RPA3: variants seen among roughly 807,000 people sequenced by gnomAD.
RPA3 encodes the protein replication protein A 14 kDa subunit.
In RPA3, 24 loss-of-function variants were observed where a neutral mutation model predicts 13.7. That is an observed-to-expected ratio of 1.75 (90% CI 1.27 to 2.46). RPA3 has a LOEUF of 2.46. Among genes scored for constraint, RPA3 ranks in the 30% most tolerant of loss-of-function variants. The pLI is 0.00. For synonymous variants in RPA3, 59 were observed against 51.2 expected, an observed-to-expected ratio of 1.15 and a Z score of -0.65; for missense variants, 183 against 151.0, an observed-to-expected ratio of 1.21 and a Z score of -1.11.
intron 4 of RPA3, among the ~76,000 whole-genome samples, chr7:7,677,614 TCCATTG>T (rs927834219): frequency 6.6e-6 from 1 of 152,052 alleles, no homozygotes; most frequent in Admixed American, 6.6e-5. Context: ...TAAATAGTAT[TCCATTG>T]TGTATATGTA....
At chr7:7,676,673 C>A (rs528068520) in intron 4 of RPA3, among the ~76,000 whole-genome samples, 5 of 152,072 alleles carry the variant, frequency 3.3e-5, no homozygotes, top group Non-Finnish European at 7.4e-5. Flanking sequence ...CTAACCCAAA[C>A]TTTTTACTAT....
chr7:7,676,217 C>T (rs79773281), intron 4 of RPA3: 11 of 398,634 alleles, frequency 2.8e-5, no homozygotes, highest in African/African-American at 2.1e-4. Flanking sequence ...AGGTTAGTTA[C>T]CCTTCCCAGT....
At chr7:7,676,000 C>G (rs147126730) in intron 4 of RPA3, 22 of 395,666 alleles carry the variant, frequency 5.6e-5, no homozygotes, top group Non-Finnish European at 9.3e-5. Context: ...TACCATTACT[C>G]TCCTGAAGTT....
intron 2 of RPA3, among the ~76,000 whole-genome samples, chr7:7,708,656 C>T (rs1411638026): frequency 6.6e-6 from 1 of 152,144 alleles, no homozygotes; most frequent in Non-Finnish European, 1.5e-5. Context: ...TAGTAATATA[C>T]TTTTCCTACT....
rs1169074588 is a variant in RPA3 at position 7,641,097 on chromosome 7, T to C, written c.-679A>G. ...GTCATCAGTGATCTTGATCACTTTCTTCAGGCTTTTGCCACTTGTTGGCTG... is the reference window on the plus strand; with the variant it reads ...GTCATCAGTGATCTTGATCACTTTCCTCAGGCTTTTGCCACTTGTTGGCTG... On this transcript the variant is annotated 5_prime_UTR_variant, in exon 5 of 8. Transcript: ENST00000223129. 1 of 152,532 alleles carries C rather than the reference T, an allele frequency of 6.6e-6. No individual in the cohort carries two copies. The allele number at this position is 152,532 out of a possible 1,614,324, so 9.4% of individuals were successfully genotyped here.
At chr7:7,642,613 G>A (rs574212065) in intron 4 of RPA3, among the ~76,000 whole-genome samples, 8 of 152,104 alleles carry the variant, frequency 5.3e-5, no homozygotes, top group Middle Eastern at 6.8e-3. Context: ...CAGCTTTTTC[G>A]TGTATTTTTG....
At chr7:7,686,888 C>G (rs1257184884) in intron 3 of RPA3, among the ~76,000 whole-genome samples, 1 of 152,224 alleles carries the variant, frequency 6.6e-6, no homozygotes, top group Admixed American at 6.5e-5. Flanking sequence ...CCTTACTCCT[C>G]TCCCCTGCCC....
At chr7:7,649,694 G>GC (rs1357526405) in intron 4 of RPA3, among the ~76,000 whole-genome samples, 14 of 151,158 alleles carry the variant, frequency 9.3e-5, no homozygotes, top group South Asian at 2.1e-4. Flanking sequence ...TGGTGGGGGG[G>GC]CCCACCCTAC....
chr7:7,715,949 T>A (rs1780891313), intron 1 of RPA3, among the ~76,000 whole-genome samples: 1 of 152,244 alleles, frequency 6.6e-6, no homozygotes, highest in Non-Finnish European at 1.5e-5. Flanking sequence ...TACAAGGAGA[T>A]AGTATAAAAC....
intron 4 of RPA3, among the ~76,000 whole-genome samples, chr7:7,672,526 AAT>A (rs533763929): frequency 9.2e-5 from 14 of 152,298 alleles, no homozygotes; most frequent in African/African-American, 2.9e-4. Flanking sequence ...GAATTGTATT[AAT>A]GCCCATGTGT....
At chr7:7,644,046 G>A (rs1785039045) in intron 4 of RPA3, among the ~76,000 whole-genome samples, 2 of 152,256 alleles carry the variant, frequency 1.3e-5, no homozygotes, top group Admixed American at 6.5e-5. Context: ...GGTGGTACCA[G>A]TTTACTCTCT....
chr7:7,640,838 G>A lies in RPA3; in HGVS notation c.-420C>T, dbSNP rs1265763773. On this transcript the variant is annotated 5_prime_UTR_variant, in exon 5 of 8. Coordinates refer to ENST00000223129, the MANE Select transcript of RPA3 (RefSeq NM_002947.5). The stretch of plus-strand genomic sequence containing the variant: ...CAGCCTCAGGTACCTCGTCTCGCGG[G>A]AGGCGCCGCAACCTTACTGTTTCCC... 5.0e-6 allele frequency: 1 copy of A among 198,798 alleles called. No individual in the cohort carries two copies. Among genetic ancestry groups the A allele is most frequent in the South Asian group, 6.7e-5 (1 of 14,986 alleles). 12.3% of individuals were successfully genotyped at this position (198,798 alleles called of 1,614,324 possible). A position where few individuals can be genotyped will look rare whatever the true frequency, so the allele number is the denominator to read the frequency against.
At chr7:7,642,350 C>T (rs556946095) in intron 4 of RPA3, among the ~76,000 whole-genome samples, 2 of 151,764 alleles carry the variant, frequency 1.3e-5, no homozygotes, top group Non-Finnish European at 1.5e-5. Context: ...GATGGGGCCT[C>T]GCCATGTTGA....
intron 6 of RPA3, 154 bp from the exon 7 acceptor site, chr7:7,638,126 C>T (rs6463709): frequency 0.3 from 155,053 of 513,336 alleles, 29,247 homozygotes; most frequent in East Asian, 0.74. Flanking sequence ...AACTTGTTAA[C>T]AAATGTTTGA....
rs1784873689 is a variant in RPA3, at chr7:7,636,757, G to C, written c.*243C>G. The C allele has an allele frequency of 7.5e-6, 3 of 399,488 alleles. No homozygotes were observed. Among genetic ancestry groups the C allele is most frequent in the Non-Finnish European group, 4.4e-6 (1 of 225,964 alleles). 24.7% of individuals were successfully genotyped at this position (399,488 alleles called of 1,614,324 possible). ...TTTTTATTAATAAAATAGAAACTTA[G>C]ACTCGGACAACTGCTTTATTCTTGC... is the stretch of plus-strand genomic sequence containing the variant. On this transcript the variant is annotated 3_prime_UTR_variant, in exon 8 of 8. Coordinates refer to ENST00000223129, the MANE Select transcript of RPA3 (RefSeq NM_002947.5).
chr7:7,640,349 G>A lies in RPA3; in HGVS notation c.70C>T (p.Pro24Ser). 1 of 1,614,080 alleles carries A rather than the reference G, an allele frequency of 6.2e-7. No individual in the cohort carries two copies. Among genetic ancestry groups the A allele is most frequent in the Non-Finnish European group, 8.5e-7 (1 of 1,180,024 alleles). The change falls in exon 5 of 8, where the codon CCT (proline) becomes TCT (serine). Residue 24 changes from proline to serine, a missense_variant. Physicochemically the swap from Pro to Ser is moderately conservative, Grantham distance 74. Transcript: ENST00000223129. ...AGMLAQFIDK[P>S]VCFVGRLEKI... ...TCCAGCCTCCCTACGAAGCAGACAG[G>A]CTTGTCGATGAATTGAGCTAGCATG...
intron 4 of RPA3, among the ~76,000 whole-genome samples, chr7:7,658,564 A>G (rs185184204): frequency 1.3e-5 from 2 of 152,294 alleles, no homozygotes; most frequent in Admixed American, 1.3e-4. Flanking sequence ...ATCTATTGAG[A>G]TAGTCATGTG....
intron 2 of RPA3, among the ~76,000 whole-genome samples, chr7:7,690,880 C>T (rs1349194204): frequency 1.1e-4 from 16 of 152,086 alleles, no homozygotes; most frequent in African/African-American, 3.9e-4. Context: ...TGACTTATAC[C>T]TGTTATGAAA....
At chr7:7,671,777 C>G (rs182444386) in intron 4 of RPA3, among the ~76,000 whole-genome samples, 2 of 152,144 alleles carry the variant, frequency 1.3e-5, no homozygotes, top group African/African-American at 4.8e-5. Flanking sequence ...TCTCCTTGCT[C>G]TCTATAGAGA....
Sources: allele counts gnomAD v4.1 joint callset (sites outside exome capture counted in the v4.1 genomes callset), GRCh38; gene constraint gnomAD v4.1.1; transcripts MANE v1.5; gene names NCBI Gene and HGNC (gene_info 2026-07-23, HGNC 2026-07-21).